Variants in DISP1 observed in about 807,000 individuals in gnomAD.
DISP1 encodes the protein protein dispatched homolog 1.
Under a neutral mutation model 37.3 loss-of-function variants are expected in DISP1, and 30 were observed. The ratio of observed to expected loss-of-function variants is 0.80; its 90% confidence interval spans 0.60 to 1.09. DISP1 has a LOEUF of 1.09. Ranked by LOEUF, DISP1 falls within the 50% of genes least tolerant of loss-of-function variation. DISP1 has a pLI of 0.00. For synonymous variants in DISP1, 634 were observed against 690.2 expected (o/e 0.92, Z 1.28); for missense variants, 1,598 against 1,879.5 (o/e 0.85, Z 2.77).
At chr1:222,827,046 G>C (rs17534677) in intron 1 of DISP1, among the ~76,000 whole-genome samples, 2,161 of 152,274 alleles carry the variant, frequency 0.014, 47 homozygotes, top group Admixed American at 0.061. Flanking sequence ...GTGGTTGTCA[G>C]TTGGTTTCTC....
chr1:222,867,281 A>C (rs1669248159), intron 1 of DISP1, among the ~76,000 whole-genome samples: 1 of 152,176 alleles, frequency 6.6e-6, no homozygotes, highest in Non-Finnish European at 1.5e-5. Flanking sequence ...CAAGATATGT[A>C]ATAATTGGAA....
chr1:222,984,412 A>T (rs1306793323), intron 4 of DISP1, among the ~76,000 whole-genome samples: 1 of 59,100 alleles, frequency 1.7e-5, no homozygotes, highest in Non-Finnish European at 3.4e-5. Context: ...TCAAAAAAAA[A>T]AAAAAAAAAA....
chr1:222,937,027 A>G (rs1193289347), intron 2 of DISP1, among the ~76,000 whole-genome samples: 5 of 111,262 alleles, frequency 4.5e-5, no homozygotes, highest in African/African-American at 6.8e-5. Context: ...ATTATATATT[A>G]CATATTATAT....
intron 3 of DISP1, among the ~76,000 whole-genome samples, chr1:222,946,231 A>T (rs1372127114): frequency 1.3e-5 from 2 of 150,954 alleles, no homozygotes; most frequent in African/African-American, 4.9e-5. Flanking sequence ...AAAAAAAAAA[A>T]AAATTAGCCG....
At chr1:222,896,913 A>G (rs1217622522) in intron 1 of DISP1, among the ~76,000 whole-genome samples, 1 of 152,198 alleles carries the variant, frequency 6.6e-6, no homozygotes, top group Non-Finnish European at 1.5e-5. Flanking sequence ...TATCAGAGAG[A>G]ATGAAAAACA....
At chr1:222,913,813 T>A (rs1399272260) in intron 1 of DISP1, among the ~76,000 whole-genome samples, 1 of 152,098 alleles carries the variant, frequency 6.6e-6, no homozygotes. Flanking sequence ...TGCAATAGCT[T>A]TTATAAAATT....
intron 1 of DISP1, among the ~76,000 whole-genome samples, chr1:222,914,990 G>A (rs1055424336): frequency 4.6e-5 from 7 of 151,958 alleles, no homozygotes; most frequent in Non-Finnish European, 1.0e-4. Flanking sequence ...AAAAAGGAAG[G>A]AAGGAAAGGG....
At chr1:222,964,357 G>A (rs1335171626) in intron 3 of DISP1, among the ~76,000 whole-genome samples, 1 of 151,748 alleles carries the variant, frequency 6.6e-6, no homozygotes, top group Non-Finnish European at 1.5e-5. Context: ...GTGGTAGAAT[G>A]TGGAATGAAG....
At position 222,900,302 on chromosome 1, in the gene DISP1, T is replaced by G. The variant is rs142560245; in HGVS notation, c.-158-28128T>G. The stretch of plus-strand genomic sequence containing the variant: ...CCTCATTGATAAAATGAGGATAATC[T>G]TAGTACTTGCCTCTTTTGCTAAGAA... On this transcript the variant is annotated intron_variant, in intron 1 of 8. Coordinates refer to ENST00000675850, the MANE Select transcript of DISP1 (RefSeq NM_001377229.1). Among the ~76,000 whole-genome samples the G allele has an allele frequency of 2.7e-3, 418 of 152,284 alleles. 3 individuals carry two copies. Among genetic ancestry groups the G allele is most frequent in the African/African-American group, 9.7e-3 (403 of 41,566 alleles).
In DISP1 at chr1:222,923,048, T is replaced by C. The variant is rs1023062529; in HGVS notation, c.-158-5382T>C. On this transcript the variant is annotated intron_variant, in intron 1 of 8. Transcript: ENST00000675850. ...TGAAGGAACGAGATGGGGTTAAAAC[T>C]TGAGTATTGTCTGGCAAAGGAAAGG... Among the ~76,000 whole-genome samples, 3 of 152,266 alleles carry C rather than the reference T, an allele frequency of 2.0e-5. No individual in the cohort carries two copies. In the East Asian group the frequency reaches 5.8e-4, roughly 29 times the overall value.
chr1:222,879,459 T>C (rs376877715), intron 1 of DISP1, among the ~76,000 whole-genome samples: 9 of 152,300 alleles, frequency 5.9e-5, no homozygotes, highest in African/African-American at 2.2e-4. Context: ...TGTGATGTTA[T>C]GTGATGTCAT....
At chr1:222,903,449 TA>T (rs199857131) in intron 1 of DISP1, among the ~76,000 whole-genome samples, 5,808 of 147,530 alleles carry the variant, frequency 0.039, 163 homozygotes, top group Non-Finnish European at 0.059. Flanking sequence ...AAAGTATAAT[TA>T]AAAAAAAAAG....
In DISP1 at chr1:222,943,029, T is replaced by C. The variant is rs1674498792; in HGVS notation, c.206T>C (p.Leu69Ser). The change falls in exon 3 of 9, where the codon TTA (leucine) becomes TCA (serine). Residue 69 changes from leucine to serine, a missense_variant. Transcript: ENST00000675850. ...ACGGTCAAATCATCCTTTCTGCCTT[T>C]AGACAACCAAAGAATGCCTCAGATG... is the stretch of plus-strand genomic sequence containing the variant. ...NGTVKSSFLP[L>S]DNQRMPQMLP... is the part of the protein sequence containing the mutation. 1 of 1,614,198 alleles carries C rather than the reference T, an allele frequency of 6.2e-7. No homozygotes were observed.
At chr1:223,001,759 C>T (rs1679467326) in intron 8 of DISP1, among the ~76,000 whole-genome samples, 1 of 152,144 alleles carries the variant, frequency 6.6e-6, no homozygotes, top group Admixed American at 6.5e-5. Context: ...ATTTAGTCAC[C>T]TTCCAAAAAG....
chr1:222,907,415 GCAAATT>G (rs1671961410), intron 1 of DISP1, among the ~76,000 whole-genome samples: 1 of 152,158 alleles, frequency 6.6e-6, no homozygotes, highest in Non-Finnish European at 1.5e-5. Context: ...GGTTAGAAAT[GCAAATT>G]CTAGGGCCAA....
intron 3 of DISP1, among the ~76,000 whole-genome samples, chr1:222,975,140 C>T (rs753799087): frequency 2.0e-5 from 3 of 152,158 alleles, no homozygotes; most frequent in Non-Finnish European, 2.9e-5. Flanking sequence ...ATCCTCCCTT[C>T]TCAGCCTCCT....
intron 1 of DISP1, among the ~76,000 whole-genome samples, chr1:222,834,390 A>G (rs1212532007): frequency 6.6e-6 from 1 of 152,192 alleles, no homozygotes; most frequent in African/African-American, 2.4e-5. Context: ...GAGAAACAAG[A>G]TAATAGATGG....
At chr1:222,931,685 CT>C (rs5781291) in intron 2 of DISP1, among the ~76,000 whole-genome samples, 136,642 of 140,726 alleles carry the variant, frequency 0.97, 66,333 homozygotes, top group Middle Eastern at 0.99. Context: ...CACCAGGAAT[CT>C]TTTTTTTTTT....
intron 1 of DISP1, among the ~76,000 whole-genome samples, chr1:222,821,122 G>A (rs1662764834): frequency 6.6e-6 from 1 of 152,022 alleles, no homozygotes; most frequent in Admixed American, 6.5e-5. Context: ...TGTTGTTTTT[G>A]AATGAACAAT....
Sources: allele counts gnomAD v4.1 joint callset (sites outside exome capture counted in the v4.1 genomes callset), GRCh38; gene constraint gnomAD v4.1.1; transcripts MANE v1.5; gene names NCBI Gene and HGNC (gene_info 2026-07-23, HGNC 2026-07-21).